DNAH14: variants seen among roughly 807,000 people sequenced by gnomAD.
The protein encoded by DNAH14 is dynein axonemal heavy chain 14.
A neutral mutation model predicts 520.9 loss-of-function variants in DNAH14; 478 were observed. The observed-to-expected ratio is 0.92, with a 90% CI of 0.85 to 0.99. DNAH14 has a LOEUF of 0.99. DNAH14 is among the 50% of genes least tolerant of loss of function. The probability of loss-of-function intolerance (pLI) is 0.00; values close to 1 mark genes in which losing one functional copy is unlikely to be tolerated. For synonymous variants in DNAH14, 1,581 were observed against 1,757.2 expected, an observed-to-expected ratio of 0.90 and a Z score of 2.51; for missense variants, 4,831 against 5,234.5, an observed-to-expected ratio of 0.92 and a Z score of 2.38.
chr1:225,199,597 T>C (rs773768274), intron 38 of DNAH14, among the ~76,000 whole-genome samples: 1 of 152,196 alleles, frequency 6.6e-6, no homozygotes, highest in Non-Finnish European at 1.5e-5. Flanking sequence ...TTTGACCCAG[T>C]TATCATTCAG....
intron 8 of DNAH14, among the ~76,000 whole-genome samples, chr1:224,988,801 A>G (rs562519319): frequency 3.3e-5 from 5 of 152,164 alleles, no homozygotes; most frequent in Non-Finnish European, 7.4e-5. Flanking sequence ...ATGTGCCACC[A>G]TGCCTGGCTG....
chr1:225,184,789 TAAAG>T (rs1007775511), intron 36 of DNAH14, among the ~76,000 whole-genome samples: 34 of 148,822 alleles, frequency 2.3e-4, no homozygotes, highest in East Asian at 1.2e-3. Context: ...GAAAGAAAAA[TAAAG>T]AAAGAAAGAA....
chr1:225,399,206 G>C lies in DNAH14; in HGVS notation c.13791G>C (p.Lys4597Asn), dbSNP rs1044014707. 1 of 1,551,662 alleles carries C rather than the reference G, an allele frequency of 6.4e-7. No homozygotes were observed. The highest frequency in any genetic ancestry group is 8.7e-7 in the Non-Finnish European group (1 of 1,146,988). The change falls in exon 86 of 86, where the codon AAG (lysine) becomes AAC (asparagine). Residue 4597 changes from lysine to asparagine, a missense_variant. Coordinates refer to ENST00000682510, the MANE Select transcript of DNAH14 (RefSeq NM_001367479.1). ...TAACATCAGTGTATTTATCAACGAAGAAACCTCCTAGTCACTGGATCACAA... is the reference window on the plus strand; with the variant it reads ...TAACATCAGTGTATTTATCAACGAACAAACCTCCTAGTCACTGGATCACAA... ...NFLTSVYLST[K>N]KPPSHWITMR... is the part of the protein sequence containing the mutation.
Position 225,337,131 on chromosome 1 carries a change from C to A in DNAH14, c.10081-135C>A, listed in dbSNP as rs986799640. Reference sequence around the variant, plus strand: ...CATATCTAAGTTGCTTTAAACTGTTCATTTCCTTAGCATTTTTAAACAGTA... The same window carrying A: ...CATATCTAAGTTGCTTTAAACTGTTAATTTCCTTAGCATTTTTAAACAGTA... On this transcript the variant is annotated intron_variant, in intron 66 of 85. Transcript: ENST00000682510. 52 of 799,632 alleles carry A rather than the reference C, an allele frequency of 6.5e-5. No homozygotes were observed. In the Admixed American group the frequency reaches 6.7e-4, roughly 10 times the overall value. 49.5% of individuals were successfully genotyped at this position (799,632 alleles called of 1,614,324 possible).
intron 64 of DNAH14, among the ~76,000 whole-genome samples, chr1:225,328,788 A>C (rs2094730733): frequency 6.6e-6 from 1 of 152,166 alleles, no homozygotes; most frequent in Admixed American, 6.5e-5. Flanking sequence ...TAAGTAACTC[A>C]CTAGGTCGTA....
At chr1:225,332,226 T>C (rs1442370537) in intron 65 of DNAH14, among the ~76,000 whole-genome samples, 7 of 152,152 alleles carry the variant, frequency 4.6e-5, no homozygotes, top group African/African-American at 1.2e-4. Flanking sequence ...ATAATTATAA[T>C]TTAGTTTAAT....
At chr1:225,000,391 C>G (rs2063677391) in intron 8 of DNAH14, among the ~76,000 whole-genome samples, 1 of 151,422 alleles carries the variant, frequency 6.6e-6, no homozygotes, top group African/African-American at 2.4e-5. Flanking sequence ...TTTGAGTTCC[C>G]TTAGCTTCTT....
chr1:225,022,436 G>A (rs1159807382), intron 10 of DNAH14, among the ~76,000 whole-genome samples: 4 of 147,406 alleles, frequency 2.7e-5, no homozygotes, highest in African/African-American at 1.1e-4. Flanking sequence ...CTAAAAAATG[G>A]GCAAAGGATA....
At chr1:225,138,278 C>G (rs546932162) in intron 27 of DNAH14, among the ~76,000 whole-genome samples, 22 of 152,324 alleles carry the variant, frequency 1.4e-4, no homozygotes, top group Admixed American at 1.2e-3. Flanking sequence ...CTGCACTCTT[C>G]ACAGCCTGCC....
intron 3 of DNAH14, 33 bp downstream of exon 3, chr1:224,955,131 A>C: frequency 6.3e-7 from 1 of 1,587,942 alleles, no homozygotes; most frequent in Non-Finnish European, 8.5e-7. Flanking sequence ...TGGCATGTTG[A>C]TTTATATTTT....
intron 31 of DNAH14, among the ~76,000 whole-genome samples, chr1:225,149,053 CT>C (rs2080230493): frequency 6.9e-6 from 1 of 144,816 alleles, no homozygotes; most frequent in African/African-American, 2.8e-5. Flanking sequence ...ATGGTACTGC[CT>C]AGGTTGTCTT....
At chr1:224,987,112 G>GAA (rs2062697310) in intron 8 of DNAH14, among the ~76,000 whole-genome samples, 1 of 113,026 alleles carries the variant, frequency 8.8e-6, no homozygotes, top group African/African-American at 4.1e-5. Context: ...AGAGAGGAGA[G>GAA]AGAGAAAGAG....
intron 23 of DNAH14, among the ~76,000 whole-genome samples, chr1:225,108,942 A>G (rs1020684385): frequency 6.6e-6 from 1 of 152,008 alleles, no homozygotes; most frequent in Non-Finnish European, 1.5e-5. Context: ...TAGATATCCA[A>G]TTTTTCCTGC....
At chr1:225,398,318 G>A (rs1315400281) in intron 84 of DNAH14, among the ~76,000 whole-genome samples, 1 of 152,200 alleles carries the variant, frequency 6.6e-6, no homozygotes, top group Non-Finnish European at 1.5e-5. Context: ...AGTTCAGGAT[G>A]ATTATATAGA....
chr1:225,094,460 A>G (rs1003241846), intron 21 of DNAH14, among the ~76,000 whole-genome samples: 1 of 152,046 alleles, frequency 6.6e-6, no homozygotes, highest in Non-Finnish European at 1.5e-5. Flanking sequence ...TCCTTTCAAC[A>G]TATACAAAAA....
intron 49 of DNAH14, among the ~76,000 whole-genome samples, chr1:225,268,079 G>A (rs1406799804): frequency 6.6e-6 from 1 of 151,996 alleles, no homozygotes; most frequent in African/African-American, 2.4e-5. Flanking sequence ...CACTCAATTG[G>A]CTCTTCTGAT....
chr1:225,358,024 T>C (rs1213975158), intron 73 of DNAH14, among the ~76,000 whole-genome samples: 1 of 152,260 alleles, frequency 6.6e-6, no homozygotes, highest in Admixed American at 6.5e-5. Context: ...ATTTGTATTC[T>C]AATTGCTTAA....
chr1:225,187,352 G>C (rs968480340), intron 37 of DNAH14, among the ~76,000 whole-genome samples: 3 of 151,548 alleles, frequency 2.0e-5, no homozygotes, highest in East Asian at 3.9e-4. Context: ...CCACTAATTG[G>C]CTTTCTCTTT....
chr1:225,191,270 A>G (rs931252427), intron 37 of DNAH14, among the ~76,000 whole-genome samples: 9 of 151,982 alleles, frequency 5.9e-5, no homozygotes, highest in Non-Finnish European at 1.2e-4. Context: ...CCAGGGATGA[A>G]CTATTTAGCT....
Sources: allele counts gnomAD v4.1 joint callset (sites outside exome capture counted in the v4.1 genomes callset), GRCh38; gene constraint gnomAD v4.1.1; transcripts MANE v1.5; gene names NCBI Gene and HGNC (gene_info 2026-07-23, HGNC 2026-07-21).